GALNT17: variants seen among roughly 807,000 people sequenced by gnomAD.
GALNT17 encodes the protein UDP-GalNAc:polypeptide N-acetylgalactosaminyltransferase-like 3.
Under a neutral mutation model 63.7 loss-of-function variants are expected in GALNT17, and 29 were observed. The ratio of observed to expected loss-of-function variants is 0.46; its 90% CI spans 0.34 to 0.62. The LOEUF is 0.62. GALNT17 is among the 20% of genes least tolerant of loss of function. The probability of loss-of-function intolerance (pLI) is 0.01; values close to 1 mark genes in which losing one functional copy is unlikely to be tolerated. For synonymous variants in GALNT17, 305 were observed against 318.3 expected, an observed-to-expected ratio of 0.96 and a Z score of 0.45; for missense variants, 603 against 799.6, an observed-to-expected ratio of 0.75 and a Z score of 2.97.
Position 71,481,168 on chromosome 7 carries a change from C to T in GALNT17, c.962+60063C>T, listed in dbSNP as rs184338318. ...CCTTAGATGAAAGCTGGGTGTGGGC[C>T]GGGCACAGTGGCTCACGCCTGTAAT... is the stretch of plus-strand genomic sequence containing the variant. On this transcript the variant is annotated intron_variant, in intron 5 of 10. Transcript: ENST00000333538. Among the ~76,000 whole-genome samples the T allele has an allele frequency of 6.9e-4, 105 of 152,176 alleles. 1 individual carries two copies. The highest frequency in any genetic ancestry group is 2.9e-3 in the South Asian group (14 of 4,820).
At chr7:71,413,729 C>A (rs558138446) in intron 3 of GALNT17, among the ~76,000 whole-genome samples, 1 of 152,234 alleles carries the variant, frequency 6.6e-6, no homozygotes, top group Admixed American at 6.5e-5. Flanking sequence ...TGTCTTTGAG[C>A]ACAGGCCAGA....
chr7:71,252,812 G>A (rs1790223743), intron 1 of GALNT17, among the ~76,000 whole-genome samples: 1 of 152,120 alleles, frequency 6.6e-6, no homozygotes, highest in Admixed American at 6.5e-5. Flanking sequence ...AAAGATAAAA[G>A]GCTGCATACC....
intron 5 of GALNT17, among the ~76,000 whole-genome samples, chr7:71,538,575 CT>C (rs1788837727): frequency 6.6e-6 from 1 of 152,322 alleles, no homozygotes; most frequent in East Asian, 1.9e-4. Context: ...TGCGAAAGAT[CT>C]TTCAGTCCCT....
intron 9 of GALNT17, among the ~76,000 whole-genome samples, chr7:71,689,180 C>T (rs969218631): frequency 6.6e-6 from 1 of 152,034 alleles, no homozygotes; most frequent in Non-Finnish European, 1.5e-5. Context: ...TCTCCCAATT[C>T]TCGGGCCTTT....
At chr7:71,682,132 G>C (rs1791276306) in intron 9 of GALNT17, among the ~76,000 whole-genome samples, 1 of 151,968 alleles carries the variant, frequency 6.6e-6, no homozygotes, top group Admixed American at 6.6e-5. Flanking sequence ...TCGCCACGTT[G>C]GTCAGGCTGG....
intron 6 of GALNT17, among the ~76,000 whole-genome samples, chr7:71,656,383 G>A (rs567223450): frequency 7.2e-5 from 11 of 152,160 alleles, no homozygotes; most frequent in Non-Finnish European, 1.0e-4. Context: ...GGAGTGTCCC[G>A]GGCAGGAATG....
intron 1 of GALNT17, among the ~76,000 whole-genome samples, chr7:71,146,498 A>G (rs192223403): frequency 2.0e-5 from 3 of 152,270 alleles, no homozygotes; most frequent in Non-Finnish European, 4.4e-5. Flanking sequence ...AAGCAGATAA[A>G]TTATCTCCCG....
chr7:71,608,543 C>A (rs1391253148), intron 6 of GALNT17, among the ~76,000 whole-genome samples: 1 of 152,300 alleles, frequency 6.6e-6, no homozygotes, highest in African/African-American at 2.4e-5. Flanking sequence ...ATTTTGAGCT[C>A]TGCTATTGTA....
At chr7:71,185,522 CTT>C (rs747181057) in intron 1 of GALNT17, among the ~76,000 whole-genome samples, 6 of 124,618 alleles carry the variant, frequency 4.8e-5, no homozygotes, top group Admixed American at 9.1e-5. Flanking sequence ...CGTTTCTTTT[CTT>C]TTTTTTTTTT....
chr7:71,390,876 A>T (rs1383485201), intron 3 of GALNT17, among the ~76,000 whole-genome samples: 1 of 152,190 alleles, frequency 6.6e-6, no homozygotes, highest in Non-Finnish European at 1.5e-5. Context: ...TCAGAGCTTA[A>T]TCCCACTGGG....
At chr7:71,620,286 G>A (rs1420007541) in intron 6 of GALNT17, among the ~76,000 whole-genome samples, 2 of 152,166 alleles carry the variant, frequency 1.3e-5, no homozygotes, top group African/African-American at 2.4e-5. Flanking sequence ...TTGGTATCAG[G>A]CTGATGCTGG....
intron 6 of GALNT17, among the ~76,000 whole-genome samples, chr7:71,577,161 T>G (rs1392891849): frequency 6.6e-6 from 1 of 152,020 alleles, no homozygotes; most frequent in Non-Finnish European, 1.5e-5. Context: ...AACTAAACAT[T>G]GGGTACCCAT....
At chr7:71,254,881 CTTG>C (rs879406511) in intron 1 of GALNT17, among the ~76,000 whole-genome samples, 4 of 152,230 alleles carry the variant, frequency 2.6e-5, no homozygotes, top group Admixed American at 2.0e-4. Flanking sequence ...TGAATCACAT[CTTG>C]TTGTCTGTCT....
chr7:71,260,003 G>T lies in GALNT17; in HGVS notation c.239-75547G>T, dbSNP rs112609737. Among the ~76,000 whole-genome samples the T allele has an allele frequency of 9.8e-3, 1,490 of 152,238 alleles. 26 individuals are homozygous for T. The highest frequency in any genetic ancestry group is 0.033 in the African/African-American group (1,374 of 41,538). On this transcript the variant is annotated intron_variant, in intron 1 of 10. Transcript: ENST00000333538. The stretch of plus-strand genomic sequence containing the variant: ...AGCAGAGAGGATGACAAGGTCTTGG[G>T]TAGGGGATGGGGAGAGGGATCACTG...
chr7:71,604,835 CTCTAA>C (rs973306718), intron 6 of GALNT17, among the ~76,000 whole-genome samples: 4 of 152,118 alleles, frequency 2.6e-5, no homozygotes, highest in African/African-American at 7.2e-5. Flanking sequence ...CTCACTGGTC[CTCTAA>C]TCTAATGCTT....
intron 9 of GALNT17, among the ~76,000 whole-genome samples, chr7:71,700,935 CACCT>C (rs762134297): frequency 6.6e-6 from 1 of 152,176 alleles, no homozygotes; most frequent in Non-Finnish European, 1.5e-5. Context: ...ATTTATCAAG[CACCT>C]ACTATATGCC....
intron 5 of GALNT17, among the ~76,000 whole-genome samples, chr7:71,514,364 A>G (rs1788413143): frequency 6.6e-6 from 1 of 152,108 alleles, no homozygotes; most frequent in Non-Finnish European, 1.5e-5. Flanking sequence ...TACCCTTACC[A>G]GGTGAAAGGT....
At chr7:71,701,923 G>GTATA (rs1280964113) in intron 9 of GALNT17, among the ~76,000 whole-genome samples, 11 of 125,546 alleles carry the variant, frequency 8.8e-5, no homozygotes, top group African/African-American at 3.6e-4. Context: ...ATATATATAT[G>GTATA]TATATATATA....
chr7:71,207,085 G>A (rs190983482), intron 1 of GALNT17, among the ~76,000 whole-genome samples: 41 of 151,712 alleles, frequency 2.7e-4, no homozygotes, highest in Middle Eastern at 3.4e-3. Flanking sequence ...CAGCCTGGGC[G>A]ACAGAGCGAG....
Sources: gnomAD v4.1 joint callset for allele counts (sites outside exome capture counted in the v4.1 genomes callset) on GRCh38, gnomAD v4.1.1 for gene constraint, MANE v1.5 for transcripts, NCBI Gene and HGNC (gene_info 2026-07-23, HGNC 2026-07-21) for gene names.